ITPR1: variants seen among roughly 807,000 people sequenced by gnomAD.
ITPR1 encodes the protein inositol 1,4,5-trisphosphate-gated calcium channel ITPR1.
ITPR1 carries 96 observed loss-of-function variants against 318.4 expected under a neutral mutation model. The observed-to-expected ratio is 0.30, with a 90% CI of 0.26 to 0.36. The LOEUF (loss-of-function observed/expected upper bound fraction) is 0.36. Ranked by LOEUF, ITPR1 falls within the 10% of genes least tolerant of loss-of-function variation. The pLI, the probability that ITPR1 is intolerant of heterozygous loss-of-function variation, is 1.00. For synonymous variants in ITPR1, 1,312 were observed against 1,289.9 expected (o/e 1.02, Z -0.37); for missense variants, 2,440 against 3,460.2 (o/e 0.71, Z 7.40).
At chr3:4,736,593 G>C (rs940743794) in intron 44 of ITPR1, among the ~76,000 whole-genome samples, 1 of 152,236 alleles carries the variant, frequency 6.6e-6, no homozygotes, top group Non-Finnish European at 1.5e-5. Flanking sequence ...AATGAGTGAG[G>C]CACCTGGGCC....
At chr3:4,603,919 C>T (rs1225183126) in intron 4 of ITPR1, among the ~76,000 whole-genome samples, 1 of 152,202 alleles carries the variant, frequency 6.6e-6, no homozygotes, top group Non-Finnish European at 1.5e-5. Context: ...AATCTCCAAA[C>T]TGCTGAACTA....
At chr3:4,542,067 A>G (rs1463265863) in intron 4 of ITPR1, among the ~76,000 whole-genome samples, 1 of 151,996 alleles carries the variant, frequency 6.6e-6, no homozygotes, top group African/African-American at 2.4e-5. Context: ...TTTGAATTAT[A>G]TTTTTCCATT....
chr3:4,566,587 C>G (rs1559459181), intron 4 of ITPR1, among the ~76,000 whole-genome samples: 1 of 142,904 alleles, frequency 7.0e-6, no homozygotes, highest in East Asian at 2.1e-4. Context: ...GCCCAGGAAG[C>G]CTGAATGGGG....
intron 34 of ITPR1, among the ~76,000 whole-genome samples, chr3:4,698,433 T>C (rs1165255428): frequency 6.6e-6 from 1 of 152,158 alleles, no homozygotes; most frequent in Non-Finnish European, 1.5e-5. Flanking sequence ...AGCCTAGGGA[T>C]TTTGGCTTGG....
At chr3:4,674,382 T>A in intron 22 of ITPR1, 39 bp downstream of exon 22, 1 of 1,536,502 alleles carries the variant, frequency 6.5e-7, no homozygotes, top group Non-Finnish European at 8.8e-7. Context: ...ATTATCTGCC[T>A]CTCAGTGGTC....
At chr3:4,661,415 T>TCAAGTATCTAGTTGATTTCCCC (rs2093830079) in intron 14 of ITPR1, among the ~76,000 whole-genome samples, 1 of 152,206 alleles carries the variant, frequency 6.6e-6, no homozygotes, top group African/African-American at 2.4e-5. Flanking sequence ...TTGAGGTACA[T>TCAAGTATCTAGTTGATTTCCCC]CAAGTATCTA....
chr3:4,592,662 T>G (rs1402659370), intron 4 of ITPR1, among the ~76,000 whole-genome samples: 1 of 152,198 alleles, frequency 6.6e-6, no homozygotes, highest in East Asian at 1.9e-4. Context: ...AGGCAGGTCC[T>G]CCCTCTTAAT....
chr3:4,589,225 T>C (rs1364345074), intron 4 of ITPR1, among the ~76,000 whole-genome samples: 1 of 152,206 alleles, frequency 6.6e-6, no homozygotes, highest in Non-Finnish European at 1.5e-5. Context: ...CATATTCATA[T>C]ATATAAGCAA....
At chr3:4,782,561 C>A in intron 49 of ITPR1, 58 bp from the exon 50 acceptor site, 1 of 1,538,926 alleles carries the variant, frequency 6.5e-7, no homozygotes, top group South Asian at 1.3e-5. Flanking sequence ...GCTGTCCATC[C>A]AGTCCTGTGT....
At chr3:4,630,437 T>C (rs550562814) in intron 5 of ITPR1, among the ~76,000 whole-genome samples, 1 of 152,200 alleles carries the variant, frequency 6.6e-6, no homozygotes, top group African/African-American at 2.4e-5. Context: ...TCGTAGGATA[T>C]AGCTGCATGT....
At chr3:4,690,839 T>C (rs2094469346) in intron 31 of ITPR1, among the ~76,000 whole-genome samples, 1 of 152,162 alleles carries the variant, frequency 6.6e-6, no homozygotes, top group Admixed American at 6.5e-5. Flanking sequence ...AGTAGTTAAA[T>C]TGTGAGATAA....
chr3:4,554,807 A>C (rs1267769463), intron 4 of ITPR1, among the ~76,000 whole-genome samples: 1 of 152,050 alleles, frequency 6.6e-6, no homozygotes, highest in Non-Finnish European at 1.5e-5. Context: ...TTGTGGGTGG[A>C]TTAATTGGGT....
intron 4 of ITPR1, among the ~76,000 whole-genome samples, chr3:4,595,348 T>C (rs1392409452): frequency 4.6e-5 from 7 of 150,882 alleles, no homozygotes; most frequent in Admixed American, 4.6e-4. Context: ...AGAGAGAGAG[T>C]GGTGAGGTGC....
At chr3:4,567,356 T>C (rs1422302090) in intron 4 of ITPR1, among the ~76,000 whole-genome samples, 2 of 152,196 alleles carry the variant, frequency 1.3e-5, no homozygotes, top group Non-Finnish European at 2.9e-5. Context: ...ATTTGTGTAA[T>C]GTTCCAGGTT....
Position 4,766,850 on chromosome 3 carries a change from T to A in ITPR1, c.5725+140T>A, listed in dbSNP as rs1234234304. ...AGAAGAAATGCCAGCCTGGTTATGA[T>A]GTAATTCTTCCTCAGTGACCTGAGC... On this transcript the variant is annotated intron_variant, in intron 45 of 61. Transcript: ENST00000649015. The A allele has an allele frequency of 4.7e-6, 3 of 638,862 alleles. No homozygotes were observed. The East Asian group carries it at 8.8e-5, about 19-fold the overall frequency. 39.6% of individuals were successfully genotyped at this position (638,862 alleles called of 1,614,324 possible). A position where few individuals can be genotyped will look rare whatever the true frequency, so the allele number is the denominator to read the frequency against.
intron 5 of ITPR1, among the ~76,000 whole-genome samples, chr3:4,636,945 T>C (rs2093209020): frequency 2.0e-5 from 3 of 152,262 alleles, no homozygotes; most frequent in Admixed American, 2.0e-4. Context: ...GTTGCTGTTG[T>C]TATACTGTAC....
At chr3:4,547,758 C>T (rs118184534) in intron 4 of ITPR1, among the ~76,000 whole-genome samples, 5 of 152,260 alleles carry the variant, frequency 3.3e-5, no homozygotes, top group East Asian at 1.9e-4. Context: ...TTACCCAGTC[C>T]GAGGAGTTCA....
chr3:4,763,834 C>T (rs183794650), intron 44 of ITPR1, among the ~76,000 whole-genome samples: 2 of 152,244 alleles, frequency 1.3e-5, no homozygotes, highest in Admixed American at 6.5e-5. Context: ...CGTCAGACAG[C>T]GCGGTCCGTG....
At chr3:4,600,139 A>T (rs898328149) in intron 4 of ITPR1, among the ~76,000 whole-genome samples, 1 of 152,206 alleles carries the variant, frequency 6.6e-6, no homozygotes, top group Non-Finnish European at 1.5e-5. Flanking sequence ...TTTGTGTTGT[A>T]TGCATCAATA....
Sources: allele counts gnomAD v4.1 joint callset (sites outside exome capture counted in the v4.1 genomes callset), GRCh38; gene constraint gnomAD v4.1.1; transcripts MANE v1.5; gene names NCBI Gene and HGNC (gene_info 2026-07-23, HGNC 2026-07-21).